The following VPS54 variants were observed in gnomAD, a reference collection of about 807,000 sequenced individuals.
The protein encoded by VPS54 is vacuolar protein sorting-associated protein 54.
VPS54 carries 45 observed loss-of-function variants against 121.5 expected under a neutral mutation model. The observed-to-expected ratio is 0.37, with a 90% CI of 0.29 to 0.47. VPS54 has a LOEUF of 0.47. Ranked by LOEUF, VPS54 falls within the 20% of genes least tolerant of loss-of-function variation. VPS54 has a pLI of 0.99. For missense variants in VPS54, 1,090 were observed against 1,131.4 expected, an observed-to-expected ratio of 0.96 and a Z score of 0.52; for synonymous variants, 371 against 385.8, an observed-to-expected ratio of 0.96 and a Z score of 0.45.
intron 15 of VPS54, among the ~76,000 whole-genome samples, chr2:63,918,253 T>C (rs902069026): frequency 6.6e-6 from 1 of 152,018 alleles, no homozygotes; most frequent in Non-Finnish European, 1.5e-5. Flanking sequence ...AGTTCATGTT[T>C]CAAACAAAAC....
rs1473811658 is a variant in VPS54 at position 63,947,583 on chromosome 2, C to A, written c.1138-93G>T. Reference sequence around the variant, plus strand: ...TTCAGCATCAAGAGTTCTGTTTGATCCTCAGATCTCTATCCTGCACAAAGT... The same window carrying A: ...TTCAGCATCAAGAGTTCTGTTTGATACTCAGATCTCTATCCTGCACAAAGT... On this transcript the variant is annotated intron_variant, in intron 8 of 22. Transcript: ENST00000272322. 5 of 1,054,442 alleles carry A rather than the reference C, an allele frequency of 4.7e-6. No individual in the cohort carries two copies. The African/African-American group carries it at 6.5e-5, about 14-fold the overall frequency. 65.3% of individuals were successfully genotyped at this position (1,054,442 alleles called of 1,614,324 possible).
intron 6 of VPS54, among the ~76,000 whole-genome samples, chr2:63,962,844 G>T (rs1675830831): frequency 6.6e-6 from 1 of 152,088 alleles, no homozygotes; most frequent in Admixed American, 6.5e-5. Context: ...CTAAATAGAT[G>T]ATTACACCTT....
At chr2:64,006,681 A>C (rs1046219416) in intron 1 of VPS54, among the ~76,000 whole-genome samples, 1 of 152,030 alleles carries the variant, frequency 6.6e-6, no homozygotes, top group Non-Finnish European at 1.5e-5. Context: ...GCAGTGGTGC[A>C]ATCGCGGCTT....
intron 15 of VPS54, among the ~76,000 whole-genome samples, chr2:63,917,954 A>G (rs911171775): frequency 6.6e-6 from 1 of 152,004 alleles, no homozygotes; most frequent in Non-Finnish European, 1.5e-5. Context: ...ACACATGTAA[A>G]ATACTTAGAA....
In VPS54 at chr2:63,893,358, C is replaced by T. The variant is rs757148700; in HGVS notation, c.*72G>A. On this transcript the variant is annotated 3_prime_UTR_variant, in exon 23 of 23. Coordinates refer to ENST00000272322, the MANE Select transcript of VPS54 (RefSeq NM_016516.3). ...GGTTTCAGGTTCAATTCTCGAATCACAGGCATCCAGATTTTCTTCATAACA... is the reference window on the plus strand; with the variant it reads ...GGTTTCAGGTTCAATTCTCGAATCATAGGCATCCAGATTTTCTTCATAACA... 4 of 1,311,906 alleles carry T rather than the reference C, an allele frequency of 3.0e-6. No individual in the cohort carries two copies. The highest frequency in any genetic ancestry group is 2.3e-5 in the East Asian group (1 of 43,462). 81.3% of individuals were successfully genotyped at this position (1,311,906 alleles called of 1,614,324 possible).
At chr2:64,000,854 A>G (rs910381242) in intron 1 of VPS54, among the ~76,000 whole-genome samples, 1 of 152,236 alleles carries the variant, frequency 6.6e-6, no homozygotes, top group East Asian at 1.9e-4. Flanking sequence ...AGTCTCACCC[A>G]AGGCCCACCG....
At chr2:63,948,418 T>TG (rs58732522) in intron 8 of VPS54, among the ~76,000 whole-genome samples, 14,530 of 143,506 alleles carry the variant, frequency 0.1, 1,323 homozygotes, top group African/African-American at 0.25. Context: ...TTTTCGGTTT[T>TG]TTTTTTTTTT....
At chr2:63,895,973 G>C (rs1194666879) in intron 22 of VPS54, among the ~76,000 whole-genome samples, 1 of 152,208 alleles carries the variant, frequency 6.6e-6, no homozygotes. Flanking sequence ...GGTATGAGCA[G>C]GGTTAGGCCT....
intron 3 of VPS54, among the ~76,000 whole-genome samples, chr2:63,976,824 TC>T (rs369804919): frequency 0.22 from 19,432 of 89,900 alleles, 2,094 homozygotes; most frequent in Non-Finnish European, 0.28. Flanking sequence ...TTATATCTTC[TC>T]TTTTTTTTTT....
At chr2:63,911,860 C>T (rs879453572) in intron 20 of VPS54, among the ~76,000 whole-genome samples, 3 of 152,098 alleles carry the variant, frequency 2.0e-5, no homozygotes, top group Non-Finnish European at 4.4e-5. Flanking sequence ...ATAGATCAAG[C>T]GTGATTGGGG....
At chr2:63,975,122 T>A in intron 3 of VPS54, 1 of 1,218,972 alleles carries the variant, frequency 8.2e-7, no homozygotes, top group South Asian at 1.5e-5. Context: ...CTTGGTTCAC[T>A]GCAACCTCCA....
At chr2:64,013,918 C>G (rs1237494168) in intron 1 of VPS54, among the ~76,000 whole-genome samples, 2 of 151,652 alleles carry the variant, frequency 1.3e-5, no homozygotes, top group African/African-American at 4.8e-5. Context: ...ACCAGCCAGG[C>G]GCGGTGGCTC....
chr2:63,991,987 G>C (rs1211987406), intron 1 of VPS54, among the ~76,000 whole-genome samples: 7 of 152,118 alleles, frequency 4.6e-5, no homozygotes, highest in Admixed American at 4.6e-4. Context: ...GGGGTCACTG[G>C]CCCTTTACCT....
chr2:63,965,608 A>C (rs1675957439), intron 6 of VPS54, among the ~76,000 whole-genome samples: 1 of 152,270 alleles, frequency 6.6e-6, no homozygotes, highest in Admixed American at 6.5e-5. Context: ...CTTTCAGGTA[A>C]GAAGCACTCA....
intron 12 of VPS54, among the ~76,000 whole-genome samples, chr2:63,926,166 C>T (rs1255334350): frequency 6.6e-6 from 1 of 152,142 alleles, no homozygotes; most frequent in Non-Finnish European, 1.5e-5. Context: ...TGCTAAAAGC[C>T]AGAACAGCCA....
chr2:63,904,438 CAAAAA>C (rs58651830), intron 20 of VPS54, among the ~76,000 whole-genome samples: 2 of 19,922 alleles, frequency 1.0e-4, no homozygotes, highest in African/African-American at 4.7e-4. Flanking sequence ...GACTTGGTCT[CAAAAA>C]AAAAAAAAAA....
chr2:63,949,323 T>C (rs1176362403), intron 7 of VPS54, among the ~76,000 whole-genome samples, 160 bp from the exon 8 acceptor site: 2 of 152,224 alleles, frequency 1.3e-5, no homozygotes, highest in Non-Finnish European at 2.9e-5. Context: ...CCAAAATAAC[T>C]GCAAACATTT....
intron 12 of VPS54, among the ~76,000 whole-genome samples, chr2:63,926,840 TGC>T (rs1214781323): frequency 1.3e-5 from 2 of 152,170 alleles, no homozygotes; most frequent in Non-Finnish European, 2.9e-5. Context: ...TCCCCTCCCG[TGC>T]CTGGCTCGGT....
chr2:63,892,729 CTT>C lies in VPS54; in HGVS notation c.*699_*700del, dbSNP rs5831671. The C allele has an allele frequency of 6.6e-6, 1 of 151,008 alleles. No individual in the cohort carries two copies. Among genetic ancestry groups the C allele is most frequent in the African/African-American group, 2.4e-5 (1 of 40,974 alleles). 9.4% of individuals were successfully genotyped at this position (151,008 alleles called of 1,614,324 possible). The stretch of plus-strand genomic sequence containing the variant: ...TAGTTGCATAAATAGATGCCAGGAT[CTT>C]TTTTTTTAAGTATTAATTACTTAAA... On this transcript the variant is annotated 3_prime_UTR_variant, in exon 23 of 23. Transcript: ENST00000272322.
Sources: allele counts gnomAD v4.1 joint callset (sites outside exome capture counted in the v4.1 genomes callset), GRCh38; gene constraint gnomAD v4.1.1; transcripts MANE v1.5; gene names NCBI Gene and HGNC (gene_info 2026-07-23, HGNC 2026-07-21).